The following XRCC4 variants were observed in gnomAD, a reference collection of about 807,000 sequenced individuals.
The protein encoded by XRCC4 is X-ray repair cross complementing 4.
A neutral mutation model predicts 39.1 loss-of-function variants in XRCC4; 28 were observed. The observed-to-expected ratio is 0.72, with a 90% confidence interval of 0.53 to 0.98. The LOEUF (loss-of-function observed/expected upper bound fraction) is 0.98. XRCC4 is among the 50% of genes least tolerant of loss of function. XRCC4 has a pLI of 0.00. For synonymous variants in XRCC4, 123 were observed against 126.4 expected, an observed-to-expected ratio of 0.97 and a Z score of 0.18; for missense variants, 350 against 376.4, an observed-to-expected ratio of 0.93 and a Z score of 0.58.
At chr5:83,082,975 T>G (rs1401203211) in intron 1 of XRCC4, among the ~76,000 whole-genome samples, 1 of 151,272 alleles carries the variant, frequency 6.6e-6, no homozygotes, top group Non-Finnish European at 1.5e-5. Flanking sequence ...GCCTTTGCAC[T>G]GACTGCTGCT....
intron 1 of XRCC4, among the ~76,000 whole-genome samples, chr5:83,081,983 G>T (rs1424323480): frequency 6.6e-6 from 1 of 152,052 alleles, no homozygotes; most frequent in African/African-American, 2.4e-5. Context: ...TAAATCTTTG[G>T]AGTCATCCTT....
chr5:83,091,711 C>T (rs1380434776), intron 1 of XRCC4, among the ~76,000 whole-genome samples: 5 of 152,150 alleles, frequency 3.3e-5, no homozygotes, highest in Admixed American at 6.6e-5. Flanking sequence ...TTTTTTAAAG[C>T]CTGAATAGTG....
chr5:83,151,108 A>G (rs1439892625), intron 3 of XRCC4, among the ~76,000 whole-genome samples: 1 of 152,148 alleles, frequency 6.6e-6, no homozygotes, highest in Non-Finnish European at 1.5e-5. Context: ...AAAAGTTACA[A>G]AAAATGCCAA....
At chr5:83,354,913 G>A (rs1452143904), downstream of XRCC4, among the ~76,000 whole-genome samples, 1 of 152,108 alleles carries the variant, frequency 6.6e-6, no homozygotes, top group Admixed American at 6.5e-5. Context: ...CTCCTACAAT[G>A]AGGCCAAACT....
chr5:83,361,565 A>C, the XRCC4 span, among the ~76,000 whole-genome samples: 1 of 152,094 alleles, frequency 6.6e-6, no homozygotes, highest in East Asian at 1.9e-4. Flanking sequence ...TGTTTATCCC[A>C]AAGAAAGCCA....
At chr5:83,141,031 T>C (rs1206292627) in intron 3 of XRCC4, among the ~76,000 whole-genome samples, 3 of 152,220 alleles carry the variant, frequency 2.0e-5, no homozygotes, top group African/African-American at 4.8e-5. Flanking sequence ...CATTTTCTTA[T>C]ATTCTTTCTT....
At position 83,246,129 on chromosome 5, in the gene XRCC4, T is replaced by A. The variant is rs142063523; in HGVS notation, c.746-12401T>A. On this transcript the variant is annotated intron_variant, in intron 6 of 7. Coordinates refer to ENST00000396027, the MANE Select transcript of XRCC4 (RefSeq NM_003401.5). ...TTATTTTCCAACTGATATACCAGTA[T>A]GGATATAGATTTCTATATCTATCTA... Among the ~76,000 whole-genome samples, 761 of 152,234 alleles carry A rather than the reference T, an allele frequency of 5.0e-3. 6 individuals carry two copies. The highest frequency in any genetic ancestry group is 0.046 in the East Asian group (236 of 5,180).
intron 7 of XRCC4, among the ~76,000 whole-genome samples, chr5:83,269,447 T>C (rs1561445013): frequency 6.6e-6 from 1 of 150,544 alleles, no homozygotes; most frequent in African/African-American, 2.5e-5. Flanking sequence ...ACATCTAGAA[T>C]GCCCAATTAA....
intron 6 of XRCC4, among the ~76,000 whole-genome samples, chr5:83,209,008 C>T (rs1751527266): frequency 6.6e-6 from 1 of 151,742 alleles, no homozygotes; most frequent in South Asian, 2.1e-4. Flanking sequence ...ACTTTCACCC[C>T]TATCTAGTTG....
intron 7 of XRCC4, among the ~76,000 whole-genome samples, chr5:83,282,035 A>G (rs980504216): frequency 1.3e-5 from 2 of 152,248 alleles, no homozygotes; most frequent in African/African-American, 4.8e-5. Context: ...TAGCCTTAAT[A>G]CTAGCCTATT....
chr5:83,327,145 C>T (rs534962673), intron 7 of XRCC4, among the ~76,000 whole-genome samples: 1 of 152,126 alleles, frequency 6.6e-6, no homozygotes, highest in East Asian at 1.9e-4. Context: ...TTTATATAGT[C>T]AGGCTGGGAA....
chr5:83,242,279 T>C (rs559630095), intron 6 of XRCC4, among the ~76,000 whole-genome samples: 5 of 152,170 alleles, frequency 3.3e-5, no homozygotes, highest in Admixed American at 3.3e-4. Context: ...TTAATTTCTT[T>C]CTGTGTTTTG....
In XRCC4 at chr5:83,104,966, T is replaced by C. The variant is rs774071130; in HGVS notation, c.47T>C (p.Ile16Thr). The C allele has an allele frequency of 8.1e-6, 13 of 1,613,622 alleles. No homozygotes were observed. The highest frequency in any genetic ancestry group is 1.1e-5 in the Non-Finnish European group (13 of 1,179,732). The change falls in exon 2 of 8, where the codon ATA becomes ACA. Residue 16 changes from isoleucine (I) to threonine (T), a missense_variant. Transcript: ENST00000396027. ...ATCCACCTTGTTTCTGAACCCAGTA[T>C]AACTCATTTTCTACAAGTATCTTGG... ...SRIHLVSEPSITHFLQVSWEK... is the reference protein window; with the variant it reads ...SRIHLVSEPSTTHFLQVSWEK...
chr5:83,096,245 A>G (rs1745671339), intron 1 of XRCC4, among the ~76,000 whole-genome samples: 1 of 152,100 alleles, frequency 6.6e-6, no homozygotes, highest in African/African-American at 2.4e-5. Context: ...TGGCAATCCC[A>G]TCCCAGTGGC....
chr5:83,133,616 C>T (rs1160561333), intron 3 of XRCC4, among the ~76,000 whole-genome samples: 2 of 152,174 alleles, frequency 1.3e-5, no homozygotes, highest in East Asian at 1.9e-4. Flanking sequence ...GCCTTGCTGC[C>T]CCCTTGCAGT....
At chr5:83,156,772 C>A (rs1270026384) in intron 3 of XRCC4, among the ~76,000 whole-genome samples, 1 of 152,022 alleles carries the variant, frequency 6.6e-6, no homozygotes, top group East Asian at 1.9e-4. Context: ...TTGGAAGATG[C>A]AGATGCATAA....
chr5:83,320,852 C>A (rs1309098230), intron 7 of XRCC4, among the ~76,000 whole-genome samples: 1 of 145,444 alleles, frequency 6.9e-6, no homozygotes, highest in Admixed American at 7.0e-5. Flanking sequence ...CGCTCTGTCA[C>A]CCAGGCTGTA....
rs3836877 is a variant in XRCC4 at position 83,293,142 on chromosome 5, CCAG to C, written c.893+34466_893+34468del. 2.9e-3 allele frequency among the ~76,000 whole-genome samples: 437 copies of C among 152,058 alleles called. 10 individuals are homozygous for C. In the East Asian group the frequency reaches 0.072, roughly 25 times the overall value. ...ATGGTTTTATTCCCAGGCCACCACA[CCAG>C]AGACTGTGTCTCTAGCTGTGAACCC... is the stretch of plus-strand genomic sequence containing the variant. On this transcript the variant is annotated intron_variant, in intron 7 of 7. Coordinates refer to ENST00000396027, the MANE Select transcript of XRCC4 (RefSeq NM_003401.5).
intron 7 of XRCC4, among the ~76,000 whole-genome samples, chr5:83,291,951 CTGTGTG>C (rs34789998): frequency 0.023 from 3,273 of 144,008 alleles, 110 homozygotes; most frequent in African/African-American, 0.076. Flanking sequence ...ATGTGTATTT[CTGTGTG>C]TGTGTGTGTG....
Sources: allele counts gnomAD v4.1 joint callset (sites outside exome capture counted in the v4.1 genomes callset), GRCh38; gene constraint gnomAD v4.1.1; transcripts MANE v1.5; gene names NCBI Gene and HGNC (gene_info 2026-07-23, HGNC 2026-07-21).